SPATA6: variants seen among roughly 807,000 people sequenced by gnomAD.
SPATA6 encodes spermatogenesis-associated protein 6.
In SPATA6, 56 loss-of-function variants were observed where a neutral mutation model predicts 65.3. That is an observed-to-expected ratio of 0.86 (90% CI 0.69 to 1.07). The LOEUF (loss-of-function observed/expected upper bound fraction) is 1.07. Ranked by LOEUF, SPATA6 falls within the 50% of genes least tolerant of loss-of-function variation. The pLI is 0.00. For missense variants in SPATA6, 590 were observed against 594.8 expected (o/e 0.99, Z 0.08); for synonymous variants, 199 against 213.2 (o/e 0.93, Z 0.58).
intron 9 of SPATA6, among the ~76,000 whole-genome samples, chr1:48,361,562 T>A (rs965120815): frequency 6.6e-6 from 1 of 152,144 alleles, no homozygotes; most frequent in East Asian, 1.9e-4. Context: ...GGGACTACAA[T>A]AGTGAACAAA....
At chr1:48,291,445 G>T (rs768069741), downstream of SPATA6, among the ~76,000 whole-genome samples, 4 of 152,120 alleles carry the variant, frequency 2.6e-5, 1 homozygote, top group South Asian at 8.3e-4. Context: ...GGCCAATGAA[G>T]TTATGTTCCC....
chr1:48,457,958 T>C (rs980481029), intron 1 of SPATA6, among the ~76,000 whole-genome samples: 1 of 151,534 alleles, frequency 6.6e-6, no homozygotes, highest in African/African-American at 2.4e-5. Flanking sequence ...AAAATGTAAT[T>C]TGTATGACAA....
chr1:48,290,855 T>C (rs186384946), downstream of SPATA6, among the ~76,000 whole-genome samples: 92 of 152,202 alleles, frequency 6.0e-4, no homozygotes, highest in Non-Finnish European at 9.4e-4. Flanking sequence ...AGCAAGTCCT[T>C]AGAGACCTAC....
intron 12 of SPATA6, 78 bp downstream of exon 12, chr1:48,305,709 T>G (rs1327325703): frequency 9.5e-7 from 1 of 1,048,920 alleles, no homozygotes; most frequent in Non-Finnish European, 1.3e-6. Flanking sequence ...AGTCTAAATT[T>G]CCCATAAATT....
the SPATA6 span, among the ~76,000 whole-genome samples, chr1:48,282,848 A>T: frequency 6.6e-6 from 1 of 152,298 alleles, no homozygotes; most frequent in East Asian, 1.9e-4. Context: ...TACCCAAAGG[A>T]CTATAAATCA....
intron 6 of SPATA6, among the ~76,000 whole-genome samples, chr1:48,401,379 C>T (rs1248517769): frequency 1.3e-5 from 2 of 152,038 alleles, no homozygotes; most frequent in Non-Finnish European, 1.5e-5. Context: ...TTATAAATTA[C>T]ATACTATCTA....
intron 8 of SPATA6, among the ~76,000 whole-genome samples, chr1:48,385,613 C>T (rs2275311): frequency 0.025 from 3,763 of 152,064 alleles, 100 homozygotes; most frequent in African/African-American, 0.067. Flanking sequence ...AACTTTTAGT[C>T]GATAAACCAA....
intron 3 of SPATA6, among the ~76,000 whole-genome samples, chr1:48,442,740 A>C (rs1036576751): frequency 1.5e-4 from 22 of 150,760 alleles, no homozygotes; most frequent in African/African-American, 5.1e-4. Flanking sequence ...AAAAAAAAAA[A>C]AAAAACAGTG....
chr1:48,427,716 T>C (rs1286540788), intron 3 of SPATA6, among the ~76,000 whole-genome samples: 1 of 152,120 alleles, frequency 6.6e-6, no homozygotes, highest in Non-Finnish European at 1.5e-5. Flanking sequence ...AAAACCTCCA[T>C]ATAACTTTTT....
At chr1:48,365,456 G>C (rs1327438871) in intron 9 of SPATA6, among the ~76,000 whole-genome samples, 1 of 152,068 alleles carries the variant, frequency 6.6e-6, no homozygotes, top group African/African-American at 2.4e-5. Context: ...CCATTTGTTT[G>C]TATCCTCTTT....
chr1:48,366,113 T>C lies in SPATA6; in HGVS notation c.910-6343A>G, dbSNP rs2148838384. Reference sequence around the variant, plus strand: ...AATTACATTTATTGATTTGCGTATGTTGAACCAGCCTTGCATCCCAGGGAT... The same window carrying C: ...AATTACATTTATTGATTTGCGTATGCTGAACCAGCCTTGCATCCCAGGGAT... On this transcript the variant is annotated intron_variant, in intron 9 of 12. Coordinates refer to ENST00000371847, the MANE Select transcript of SPATA6 (RefSeq NM_019073.4). Among the ~76,000 whole-genome samples the C allele has an allele frequency of 1.3e-5, 2 of 152,378 alleles. 1 individual carries two copies. The highest frequency in any genetic ancestry group is 4.1e-4 in the South Asian group (2 of 4,832).
Position 48,358,613 on chromosome 1 carries a change from G to T in SPATA6, c.1094+973C>A, listed in dbSNP as rs910323326. 3.3e-5 allele frequency among the ~76,000 whole-genome samples: 5 copies of T among 152,168 alleles called. No individual in the cohort carries two copies. In the East Asian group the frequency reaches 9.7e-4, roughly 29 times the overall value. On this transcript the variant is annotated intron_variant, in intron 10 of 12. Coordinates refer to ENST00000371847, the MANE Select transcript of SPATA6 (RefSeq NM_019073.4). ...GAGGAAAGTCCCCTGATACTGAGAT[G>T]CAAGTTATCAACTTCAGCAGAAAAA...
chr1:48,359,514 A>G (rs1646748487), intron 10 of SPATA6, 72 bp downstream of exon 10: 5 of 1,486,902 alleles, frequency 3.4e-6, no homozygotes, highest in East Asian at 4.6e-5. Context: ...TTTCACATGC[A>G]TAATTGCTGC....
chr1:48,315,475 T>C (rs1358673968), intron 11 of SPATA6, among the ~76,000 whole-genome samples: 1 of 152,154 alleles, frequency 6.6e-6, no homozygotes, highest in Non-Finnish European at 1.5e-5. Flanking sequence ...AAAAGGCCTG[T>C]GACAAAATTC....
intron 9 of SPATA6, among the ~76,000 whole-genome samples, chr1:48,361,173 T>C (rs943072579): frequency 1.3e-4 from 19 of 151,862 alleles, no homozygotes; most frequent in African/African-American, 4.4e-4. Flanking sequence ...TAAAAGTAAA[T>C]CAAAAGTAGA....
chr1:48,365,702 A>G (rs1646982072), intron 9 of SPATA6, among the ~76,000 whole-genome samples: 2 of 152,144 alleles, frequency 1.3e-5, no homozygotes, highest in African/African-American at 4.8e-5. Flanking sequence ...GGCTGAGATG[A>G]TGGGGTTTTC....
intron 11 of SPATA6, among the ~76,000 whole-genome samples, chr1:48,327,185 G>A (rs1645787512): frequency 6.6e-6 from 1 of 152,004 alleles, no homozygotes; most frequent in African/African-American, 2.4e-5. Context: ...ACCAGGCAAA[G>A]GACCTGAACA....
rs565695071 is a variant in SPATA6, at chr1:48,406,713, A to G, written c.406-2831T>C. Among the ~76,000 whole-genome samples, 250 of 152,324 alleles carry G rather than the reference A, an allele frequency of 1.6e-3. 1 individual carries two copies. Among genetic ancestry groups the G allele is most frequent in the African/African-American group, 5.7e-3 (238 of 41,576 alleles). ...CACCATCATGATATTCACAGCTATC[A>G]TCATATCACTAACATTTATTGAGTG... On this transcript the variant is annotated intron_variant, in intron 5 of 12. Coordinates refer to ENST00000371847, the MANE Select transcript of SPATA6 (RefSeq NM_019073.4).
chr1:48,270,232 C>T, the SPATA6 span, among the ~76,000 whole-genome samples: 1 of 152,084 alleles, frequency 6.6e-6, no homozygotes, highest in African/African-American at 2.4e-5. Context: ...AATAATTCTG[C>T]ATTGATGTGC....
Sources: allele counts gnomAD v4.1 joint callset (sites outside exome capture counted in the v4.1 genomes callset), GRCh38; gene constraint gnomAD v4.1.1; transcripts MANE v1.5; gene names NCBI Gene and HGNC (gene_info 2026-07-23, HGNC 2026-07-21).